Variants in SLC6A4 observed in about 807,000 individuals in gnomAD.
The protein encoded by SLC6A4 is sodium-dependent serotonin transporter.
A neutral mutation model predicts 73.4 loss-of-function variants in SLC6A4; 22 were observed. The observed-to-expected ratio is 0.30, with a 90% CI of 0.21 to 0.43. The LOEUF is 0.43. Ranked by LOEUF, SLC6A4 falls within the 20% of genes least tolerant of loss-of-function variation. The pLI is 1.00. For missense variants in SLC6A4, 593 were observed against 808.5 expected (o/e 0.73, Z 3.23); for synonymous variants, 270 against 315.5 (o/e 0.86, Z 1.53).
chr17:30,227,274 CA>C (rs1363227723), intron 1 of SLC6A4, among the ~76,000 whole-genome samples: 1 of 152,068 alleles, frequency 6.6e-6, no homozygotes, highest in Non-Finnish European at 1.5e-5. Flanking sequence ...GGTCGGAAGC[CA>C]TAGGGACTCC....
At position 30,222,018 on chromosome 17, in the gene SLC6A4, G is replaced by A. The variant is rs778015715; in HGVS notation, c.-60C>T. ...GCCAAGGATCCCAATTGATCTCTGG[G>A]TGCTTGGATTTGTGGATCACCTCCG... On this transcript the variant is annotated 5_prime_UTR_variant, in exon 3 of 15. Transcript: ENST00000650711. 48 of 1,611,304 alleles carry A rather than the reference G, an allele frequency of 3.0e-5. No homozygotes were observed. The highest frequency in any genetic ancestry group is 3.8e-5 in the Non-Finnish European group (45 of 1,179,078).
At position 30,215,468 on chromosome 17, in the gene SLC6A4, G is replaced by A. The variant is rs1157704888; in HGVS notation, c.1076+143C>T. 2.2e-5 allele frequency: 15 copies of A among 694,364 alleles called. No individual in the cohort carries two copies. The East Asian group carries it at 2.9e-4, about 13-fold the overall frequency. The allele number at this position is 694,364 out of a possible 1,614,324, so 43.0% of individuals were successfully genotyped here. The stretch of plus-strand genomic sequence containing the variant: ...CTGGCCATGGGTGAGCTGGTCAGGG[G>A]CCTGCAGCACCCCTGAGGGGCAGTG... On this transcript the variant is annotated intron_variant, in intron 8 of 14. Coordinates refer to ENST00000650711, the MANE Select transcript of SLC6A4 (RefSeq NM_001045.6).
At chr17:30,204,566 G>T (rs1168954586) in intron 13 of SLC6A4, 1 of 152,154 alleles carries the variant, frequency 6.6e-6, no homozygotes, top group African/African-American at 2.4e-5. Flanking sequence ...GTCATTGGGG[G>T]ACTCAACCTC....
rs2143015544 is a variant in SLC6A4 at position 30,222,011 on chromosome 17, T to A, written c.-53A>T. ...TCCATCTGCCAAGGATCCCAATTGA[T>A]CTCTGGGTGCTTGGATTTGTGGATC... On this transcript the variant is annotated 5_prime_UTR_variant, in exon 3 of 15. Coordinates refer to ENST00000650711, the MANE Select transcript of SLC6A4 (RefSeq NM_001045.6). 3 of 1,612,376 alleles carry A rather than the reference T, an allele frequency of 1.9e-6. No homozygotes were observed. Among genetic ancestry groups the A allele is most frequent in the Non-Finnish European group, 2.5e-6 (3 of 1,179,470 alleles).
intron 1 of SLC6A4, among the ~76,000 whole-genome samples, chr17:30,230,131 G>A (rs948721682): frequency 4.8e-4 from 70 of 147,358 alleles, no homozygotes; most frequent in African/African-American, 1.6e-3. Context: ...AAGAGGAGGA[G>A]GAGGAGGAGG....
In SLC6A4 at chr17:30,197,159, A is replaced by G. The variant is rs1471832163; in HGVS notation, c.*1297T>C. The G allele has an allele frequency of 6.6e-6, 1 of 152,344 alleles. No homozygotes were observed. The highest frequency in any genetic ancestry group is 2.4e-5 in the African/African-American group (1 of 41,452). The allele number at this position is 152,344 out of a possible 1,614,324, so 9.4% of individuals were successfully genotyped here. A position where few individuals can be genotyped will look rare whatever the true frequency, so the allele number is the denominator to read the frequency against. The stretch of plus-strand genomic sequence containing the variant: ...GAGAGTCACGAGACACCAAAGGCCA[A>G]ATTTACTTATCTATATTAAGGGCCT... On this transcript the variant is annotated 3_prime_UTR_variant, in exon 15 of 15. Coordinates refer to ENST00000650711, the MANE Select transcript of SLC6A4 (RefSeq NM_001045.6).
intron 8 of SLC6A4, among the ~76,000 whole-genome samples, chr17:30,213,869 C>T (rs1334126001): frequency 6.6e-6 from 1 of 152,050 alleles, no homozygotes; most frequent in East Asian, 2.0e-4. Flanking sequence ...GCTTCAGCCT[C>T]CTGAAGAGCT....
chr17:30,207,015 T>C (rs1322544522), intron 13 of SLC6A4, among the ~76,000 whole-genome samples: 1 of 152,168 alleles, frequency 6.6e-6, no homozygotes, highest in Non-Finnish European at 1.5e-5. Flanking sequence ...CTCAATCTCC[T>C]TAAATGTAAA....
chr17:30,225,852 T>A lies in SLC6A4; in HGVS notation c.-220-2937A>T, dbSNP rs150415127. On this transcript the variant is annotated intron_variant, in intron 1 of 14. Coordinates refer to ENST00000650711, the MANE Select transcript of SLC6A4 (RefSeq NM_001045.6). ...CTCTCCTGAAGCTAATGCACTCCAT[T>A]CCCCCAATCCCTGACTCCAAGTAAA... 5.3e-3 allele frequency among the ~76,000 whole-genome samples: 812 copies of A among 152,268 alleles called. 6 individuals are homozygous for A. Among genetic ancestry groups the A allele is most frequent in the Middle Eastern group, 0.01 (3 of 294 alleles).
At chr17:30,210,747 G>C (rs1035651037) in intron 10 of SLC6A4, 101 bp from the exon 11 acceptor site, 13 of 1,324,524 alleles carry the variant, frequency 9.8e-6, no homozygotes, top group Admixed American at 2.3e-5. Flanking sequence ...TAAGTGACTG[G>C]TCAAGCTGAT....
intron 2 of SLC6A4, 75 bp from the exon 3 acceptor site, chr17:30,222,156 A>G (rs1906787093): frequency 2.3e-6 from 2 of 886,432 alleles, no homozygotes; most frequent in Non-Finnish European, 1.7e-6. Context: ...CTCATCATAC[A>G]TCTTAAACTA....
At chr17:30,224,381 C>A (rs1281305337) in intron 1 of SLC6A4, among the ~76,000 whole-genome samples, 1 of 152,130 alleles carries the variant, frequency 6.6e-6, no homozygotes, top group African/African-American at 2.4e-5. Context: ...CCATGCCCGG[C>A]TAATTTTTAT....
Position 30,221,833 on chromosome 17 carries a change from T to C in SLC6A4, c.126A>G (p.Gln42=). 1 of 1,614,152 alleles carries C rather than the reference T, an allele frequency of 6.2e-7. No individual in the cohort carries two copies. Among genetic ancestry groups the C allele is most frequent in the East Asian group, 2.2e-5 (1 of 44,890 alleles). Residue 42 remains glutamine (Q), a synonymous_variant, in exon 3 of 15, where the codon CAA becomes CAG. Transcript: ENST00000650711. The part of the protein sequence containing the change: ...PTPGDKVESG[Q]ISNGYSAVPS... ...GAACTGCTGAGTACCCATTGGATATTTGCCCGGACTCCACTTTGTCCCCTG... is the reference window on the plus strand; with the variant it reads ...GAACTGCTGAGTACCCATTGGATATCTGCCCGGACTCCACTTTGTCCCCTG...
chr17:30,214,549 A>G (rs1210340309), intron 8 of SLC6A4, among the ~76,000 whole-genome samples: 6 of 151,944 alleles, frequency 3.9e-5, no homozygotes, highest in Non-Finnish European at 8.8e-5. Context: ...TTTATTGTTA[A>G]ACACATTGAC....
rs1432549132 is a variant in SLC6A4, at chr17:30,211,086, T to C, written c.1317+226A>G. 8.5e-5 allele frequency among the ~76,000 whole-genome samples: 13 copies of C among 152,224 alleles called. No homozygotes were observed. The highest frequency in any genetic ancestry group is 8.5e-4 in the Admixed American group (13 of 15,286). On this transcript the variant is annotated intron_variant, in intron 10 of 14. Transcript: ENST00000650711. This position sits in a 1 kb window ranked among gnomAD's most constrained non-coding sequence, Gnocchi z 4.0. ...TAATAACAGTTCACATATGTGAGCC[T>C]TGGGCCTCATAAGCGCCTGGCGCTT...
rs1906657005 is a variant in SLC6A4, at chr17:30,218,683, C to T, written c.478+114G>A. On this transcript the variant is annotated intron_variant, in intron 4 of 14. Transcript: ENST00000650711. ...AACCTTAATTACTCAAGCAGTCTCCCAGGGATGCCTAAGGCCTGACTGATT... is the reference window on the plus strand; with the variant it reads ...AACCTTAATTACTCAAGCAGTCTCCTAGGGATGCCTAAGGCCTGACTGATT... 5 of 1,095,110 alleles carry T rather than the reference C, an allele frequency of 4.6e-6. No homozygotes were observed. In the East Asian group the frequency reaches 9.5e-5, roughly 21 times the overall value. The allele number at this position is 1,095,110 out of a possible 1,614,324, so 67.8% of individuals were successfully genotyped here. A position where few individuals can be genotyped will look rare whatever the true frequency, so the allele number is the denominator to read the frequency against.
intron 10 of SLC6A4, 72 bp from the exon 11 acceptor site, chr17:30,210,718 G>A: frequency 2.0e-6 from 3 of 1,512,838 alleles, no homozygotes; most frequent in Non-Finnish European, 2.7e-6. Context: ...CAGTGAACAG[G>A]AGGGAGGGGT....
At chr17:30,223,062 C>A in intron 1 of SLC6A4, 147 bp from the exon 2 acceptor site, 2 of 362,490 alleles carry the variant, frequency 5.5e-6, no homozygotes, top group Non-Finnish European at 1.1e-5. Context: ...TCAGCTCTGG[C>A]TTGAGGTCTG....
At chr17:30,233,574 G>A (rs1252101086) in intron 1 of SLC6A4, among the ~76,000 whole-genome samples, 1 of 152,164 alleles carries the variant, frequency 6.6e-6, no homozygotes, top group African/African-American at 2.4e-5. Context: ...AGAGGTTAGG[G>A]TCATGGTTGC....
Sources: gnomAD v4.1 joint callset for allele counts (sites outside exome capture counted in the v4.1 genomes callset) on GRCh38, gnomAD v4.1.1 for gene constraint, Gnocchi (gnomAD v3.1) non-coding constraint, MANE v1.5 for transcripts, NCBI Gene and HGNC (gene_info 2026-07-23, HGNC 2026-07-21) for gene names.